SMG1: variants seen among roughly 807,000 people sequenced by gnomAD.
SMG1 encodes the protein serine/threonine-protein kinase SMG1.
In SMG1, 22 loss-of-function variants were observed where a neutral mutation model predicts 419.9. The ratio of observed to expected loss-of-function variants is 0.05; its 90% CI spans 0.04 to 0.07. The LOEUF (loss-of-function observed/expected upper bound fraction) is 0.07, where lower values mean the gene tolerates loss of function less well. Among genes scored for constraint, SMG1 ranks in the 10% least tolerant of loss-of-function variants. SMG1 has a pLI of 1.00. For synonymous variants in SMG1, 1,538 were observed against 1,553.5 expected, an observed-to-expected ratio of 0.99 and a Z score of 0.23; for missense variants, 3,185 against 4,342.0, an observed-to-expected ratio of 0.73 and a Z score of 7.49.
At chr16:18,874,941 G>A (rs1332428732) in intron 13 of SMG1, among the ~76,000 whole-genome samples, 1 of 142,096 alleles carries the variant, frequency 7.0e-6, no homozygotes, top group East Asian at 2.0e-4. Context: ...AGGACTACGG[G>A]TTGAGTATCC....
At position 18,892,267 on chromosome 16, in the gene SMG1, G is replaced by A. The variant is rs1382468496; in HGVS notation, c.500C>T (p.Ala167Val). Reference protein sequence around the residue: ...TREDDRDRRLATVKQLKEFIQ... With the variant: ...TREDDRDRRLVTVKQLKEFIQ... ...AAATTCTTTCAACTGCTTTACAGTA[G>A]CCAATCTTCGGTCTCTGTCGTCTTC... The change falls in exon 4 of 63, where the codon GCT becomes GTT. Residue 167 changes from alanine (A) to valine (V), a missense_variant. By Grantham distance (64) the Ala-to-Val change is moderately conservative. Coordinates refer to ENST00000446231, the MANE Select transcript of SMG1 (RefSeq NM_015092.5). 2.6e-6 allele frequency: 4 copies of A among 1,550,858 alleles called. No homozygotes were observed. In the African/African-American group the frequency reaches 5.5e-5, roughly 21 times the overall value.
chr16:18,833,796 C>T (rs1171139196), intron 50 of SMG1, among the ~76,000 whole-genome samples: 1 of 152,140 alleles, frequency 6.6e-6, no homozygotes. Flanking sequence ...TCTGCTTTTT[C>T]TCATATTATA....
chr16:18,887,142 A>T (rs1234012282), intron 6 of SMG1, among the ~76,000 whole-genome samples: 2 of 152,194 alleles, frequency 1.3e-5, no homozygotes, highest in Non-Finnish European at 2.9e-5. Flanking sequence ...AGCATATATT[A>T]TGAAATTATT....
chr16:18,912,740 T>A (rs749218180), intron 1 of SMG1, among the ~76,000 whole-genome samples: 5 of 152,118 alleles, frequency 3.3e-5, no homozygotes, highest in Non-Finnish European at 5.9e-5. Context: ...TAAAATCCTA[T>A]CAATATTTCA....
chr16:18,861,030 T>C (rs981209389), intron 25 of SMG1: 49 of 337,044 alleles, frequency 1.5e-4, no homozygotes, highest in Non-Finnish European at 2.5e-4. Flanking sequence ...GACTCGCCCC[T>C]GTGTCTCCTT....
At chr16:18,894,184 C>T (rs2037012811) in intron 3 of SMG1, among the ~76,000 whole-genome samples, 1 of 152,004 alleles carries the variant, frequency 6.6e-6, no homozygotes, top group African/African-American at 2.4e-5. Flanking sequence ...GGGTACCAGG[C>T]TTAATACCTG....
rs1255222144 is a variant in SMG1, at chr16:18,839,669, C to T, written c.6945+29G>A. On this transcript the variant is annotated intron_variant, in intron 42 of 62. Transcript: ENST00000446231. ...GTAGCAGGCAAAAGAAATACTACTA[C>T]TGAGTATAGTCTAAAACAAAGCACA... The T allele has an allele frequency of 6.8e-6, 11 of 1,612,650 alleles. No individual in the cohort carries two copies. The Admixed American group carries it at 1.8e-4, about 27-fold the overall frequency.
Position 18,872,366 on chromosome 16 carries a change from T to A in SMG1, c.2022-21A>T, listed in dbSNP as rs200167707. 1,895 of 1,545,706 alleles carry A rather than the reference T, an allele frequency of 1.2e-3. 4 individuals are homozygous for A. Among genetic ancestry groups the A allele is most frequent in the Non-Finnish European group, 1.5e-3 (1,745 of 1,150,886 alleles). On this transcript the variant is annotated intron_variant, in intron 14 of 62. Transcript: ENST00000446231. ...CATGCCTGAAAGACAAAGCACAGAT[T>A]ATCTTTTCATCTTTAATCAAAGAAA...
intron 11 of SMG1, chr16:18,877,507 C>T (rs1333833722): frequency 6.9e-6 from 2 of 288,864 alleles, no homozygotes; most frequent in African/African-American, 2.1e-5. Flanking sequence ...TGAAACTATC[C>T]TGTATGATAC....
rs1200834671 is a variant in SMG1 at position 18,882,611 on chromosome 16, A to G, written c.1120-273T>C. On this transcript the variant is annotated intron_variant, in intron 9 of 62. Coordinates refer to ENST00000446231, the MANE Select transcript of SMG1 (RefSeq NM_015092.5). ...AAGCTGTTAGGGAAAAATAAATTCT[A>G]GCACATATGCTCTAGTTATATGTAG... Among the ~76,000 whole-genome samples the G allele has an allele frequency of 3.3e-5, 5 of 152,228 alleles. No homozygotes were observed. The South Asian group carries it at 8.3e-4, about 25-fold the overall frequency.
At chr16:18,860,953 C>G in intron 25 of SMG1, 177 bp from the exon 26 acceptor site, 1 of 499,012 alleles carries the variant, frequency 2.0e-6, no homozygotes, top group Admixed American at 3.6e-5. Flanking sequence ...ATGTGACTAC[C>G]ACTTAATTAG....
chr16:18,859,222 T>G (rs2035080909), intron 27 of SMG1, 41 bp from the exon 28 acceptor site: 2 of 1,465,188 alleles, frequency 1.4e-6, no homozygotes, highest in East Asian at 4.9e-5. Flanking sequence ...AAAATTACAA[T>G]TCATAACCAC....
rs369423544 is a variant in SMG1, at chr16:18,833,040, C to T, written c.8692G>A (p.Val2898Ile). The T allele has an allele frequency of 9.3e-6, 15 of 1,613,846 alleles. No individual in the cohort carries two copies. The highest frequency in any genetic ancestry group is 6.7e-5 in the East Asian group (3 of 44,894). ...DGLIEQTTDG[V>I]PLQTLVESLQ... Reference sequence around the variant, plus strand: ...GATTCCACTAGAGTCTGCAGGGGAACGCCATCGGTGGTCTGCTCAATAAGA... The same window carrying T: ...GATTCCACTAGAGTCTGCAGGGGAATGCCATCGGTGGTCTGCTCAATAAGA... Residue 2898 changes from valine to isoleucine, a missense_variant, in exon 51 of 63, where the codon GTT becomes ATT. Val to Ile is a conservative substitution (Grantham distance 29). Around this residue, in one of 27 missense-constraint regions of SMG1, gnomAD observed 737 missense variants for 846.6 expected, o/e 0.87. Coordinates refer to ENST00000446231, the MANE Select transcript of SMG1 (RefSeq NM_015092.5).
chr16:18,809,961 C>G (rs898799432), intron 62 of SMG1, among the ~76,000 whole-genome samples: 3 of 151,016 alleles, frequency 2.0e-5, no homozygotes, highest in Non-Finnish European at 2.9e-5. Context: ...TTTTGACAAA[C>G]TTGACAAAAC....
chr16:18,876,418 G>A (rs1375548512), intron 12 of SMG1, 25 bp from the exon 13 acceptor site: 4 of 1,565,142 alleles, frequency 2.6e-6, no homozygotes, highest in Non-Finnish European at 3.5e-6. Context: ...ATTCAAGGAA[G>A]TGATAAATGG....
intron 42 of SMG1, among the ~76,000 whole-genome samples, 191 bp downstream of exon 42, chr16:18,839,507 T>C (rs2257618): frequency 0.33 from 49,483 of 151,976 alleles, 9,947 homozygotes; most frequent in East Asian, 0.58. Context: ...CATAACTCTT[T>C]CCCCATCCTG....
chr16:18,899,329 C>T (rs1482629517), intron 1 of SMG1, among the ~76,000 whole-genome samples: 1 of 151,910 alleles, frequency 6.6e-6, no homozygotes, highest in African/African-American at 2.4e-5. Flanking sequence ...GTTATGAACA[C>T]TGAGATTTTT....
intron 48 of SMG1, among the ~76,000 whole-genome samples, chr16:18,835,579 C>T (rs1017829876): frequency 2.0e-5 from 3 of 152,142 alleles, no homozygotes; most frequent in Non-Finnish European, 4.4e-5. Context: ...GAGGTCAAGG[C>T]TGCAGAATAC....
At chr16:18,899,737 G>C (rs2037274664) in intron 1 of SMG1, among the ~76,000 whole-genome samples, 1 of 152,120 alleles carries the variant, frequency 6.6e-6, no homozygotes, top group African/African-American at 2.4e-5. Context: ...TGTTAGGCTA[G>C]TTAGTTAGAA....
Sources: allele counts gnomAD v4.1 joint callset (sites outside exome capture counted in the v4.1 genomes callset), GRCh38; gene constraint gnomAD v4.1.1; regional missense constraint gnomAD v4.1.1; transcripts MANE v1.5; gene names NCBI Gene and HGNC (gene_info 2026-07-23, HGNC 2026-07-21).